The following TAAR5 variants were observed in gnomAD, a reference collection of about 807,000 sequenced individuals.
The protein encoded by TAAR5 is trace amine associated receptor 5.
A neutral mutation model predicts 21.1 loss-of-function variants in TAAR5; 27 were observed. The ratio of observed to expected loss-of-function variants is 1.28; its 90% CI spans 0.94 to 1.76. The LOEUF (loss-of-function observed/expected upper bound fraction) is 1.76, where lower values mean the gene tolerates loss of function less well. TAAR5 is among the 40% of genes most tolerant of loss of function. TAAR5 has a pLI of 0.00. For synonymous variants in TAAR5, 203 were observed against 167.5 expected, an observed-to-expected ratio of 1.21 and a Z score of -1.64; for missense variants, 495 against 405.6, an observed-to-expected ratio of 1.22 and a Z score of -1.89.
chr6:132,605,929 A>G, the TAAR5 span, among the ~76,000 whole-genome samples: 1 of 150,878 alleles, frequency 6.6e-6, no homozygotes, highest in Non-Finnish European at 1.5e-5. Context: ...TACAGCCATC[A>G]AAAGAATGGA....
At chr6:132,606,222 A>C in the TAAR5 span, among the ~76,000 whole-genome samples, 2 of 152,196 alleles carry the variant, frequency 1.3e-5, no homozygotes, top group Admixed American at 1.3e-4. Flanking sequence ...ATACCTAGGT[A>C]ACAAACCTGA....
chr6:132,591,873 G>A (rs564277610), upstream of TAAR5, among the ~76,000 whole-genome samples: 1 of 152,226 alleles, frequency 6.6e-6, no homozygotes, highest in African/African-American at 2.4e-5. Flanking sequence ...TCTATTAATT[G>A]AATATAATAC....
At chr6:132,608,180 G>A in the TAAR5 span, 1 of 373,742 alleles carries the variant, frequency 2.7e-6, no homozygotes, top group East Asian at 7.2e-5. Flanking sequence ...TGTAAGGTAT[G>A]TGCTGCAAGT....
chr6:132,588,754 C>T lies in TAAR5; in HGVS notation c.933G>A (p.Trp311Ter). 1 of 1,614,038 alleles carries T rather than the reference C, an allele frequency of 6.2e-7. No homozygotes were observed. Among genetic ancestry groups the T allele is most frequent in the Non-Finnish European group, 8.5e-7 (1 of 1,180,000 alleles). Residue 311 changes from tryptophan to a stop codon, truncating the protein, a stop_gained, in exon 1 of 1, where the codon TGG becomes TGA. Transcript: ENST00000258034. LOFTEE classifies it high-confidence loss of function. ...NPIIYVFSYQ[W>*]FRKALKLTLS... ...GTGTGAGTTTCAGTGCCTTCCGAAA[C>T]CACTGGTAGGAAAAGACATAGATGA...
At chr6:132,597,375 T>C in the TAAR5 span, among the ~76,000 whole-genome samples, 1,043 of 152,262 alleles carry the variant, frequency 6.9e-3, 24 homozygotes, top group East Asian at 0.1. Context: ...TTCAAACTCC[T>C]ATCTTAAGCT....
the TAAR5 span, among the ~76,000 whole-genome samples, chr6:132,597,521 A>T: frequency 6.6e-6 from 1 of 152,206 alleles, no homozygotes; most frequent in African/African-American, 2.4e-5. Flanking sequence ...CAGAATAAAG[A>T]TTCCTTTTAT....
At position 132,589,722 on chromosome 6, in the gene TAAR5, C is replaced by A; in HGVS notation, c.-36G>T. ...TACTCTTCCTCTGTCTGAGAACTGGCCACCTTCTCCACTGGAGGGCAAAAA... is the reference window on the plus strand; with the variant it reads ...TACTCTTCCTCTGTCTGAGAACTGGACACCTTCTCCACTGGAGGGCAAAAA... On this transcript the variant is annotated 5_prime_UTR_variant, in exon 1 of 1. Transcript: ENST00000258034. 1 of 568,880 alleles carries A rather than the reference C, an allele frequency of 1.8e-6. No homozygotes were observed. The highest frequency in any genetic ancestry group is 2.5e-6 in the Non-Finnish European group (1 of 403,006). The allele number at this position is 568,880 out of a possible 1,614,324, so 35.2% of individuals were successfully genotyped here.
At chr6:132,594,816 G>A in the TAAR5 span, 2 of 152,140 alleles carry the variant, frequency 1.3e-5, no homozygotes, top group East Asian at 1.9e-4. Context: ...GAGAAAGAAA[G>A]CTATAAAGGA....
At position 132,588,653 on chromosome 6, in the gene TAAR5, C is replaced by T. The variant is rs754908639; in HGVS notation, c.*20G>A. 1 of 1,592,566 alleles carries T rather than the reference C, an allele frequency of 6.3e-7. No individual in the cohort carries two copies. The highest frequency in any genetic ancestry group is 8.6e-7 in the Non-Finnish European group (1 of 1,167,904). ...CTTTCCTGTGAGGTCCTACTCCTTG[C>T]CTGCATTTAGTAGAAGGAATCATTC... On this transcript the variant is annotated 3_prime_UTR_variant, in exon 1 of 1. Coordinates refer to ENST00000258034, the MANE Select transcript of TAAR5 (RefSeq NM_003967.3).
At chr6:132,602,158 C>A in the TAAR5 span, among the ~76,000 whole-genome samples, 1 of 152,006 alleles carries the variant, frequency 6.6e-6, no homozygotes, top group African/African-American at 2.4e-5. Flanking sequence ...CTTTTTGGCA[C>A]CAGGGACTGG....
the TAAR5 span, chr6:132,608,815 C>A: frequency 2.2e-6 from 1 of 455,858 alleles, no homozygotes; most frequent in Non-Finnish European, 4.4e-6. Flanking sequence ...AACTGACCAG[C>A]AAAATGCCAG....
chr6:132,600,861 G>A, the TAAR5 span, among the ~76,000 whole-genome samples: 1 of 130,596 alleles, frequency 7.7e-6, no homozygotes, highest in African/African-American at 2.9e-5. Flanking sequence ...AGGAGGGAAG[G>A]AAGGAAGGAG....
chr6:132,597,289 G>A, the TAAR5 span, among the ~76,000 whole-genome samples: 1 of 151,532 alleles, frequency 6.6e-6, no homozygotes, highest in African/African-American at 2.4e-5. Context: ...CAAGAAGATA[G>A]AGTAAGACAC....
upstream of TAAR5, among the ~76,000 whole-genome samples, chr6:132,593,949 T>C (rs183024092): frequency 1.1e-3 from 169 of 152,320 alleles, no homozygotes; most frequent in Non-Finnish European, 2.1e-3. Context: ...AGACTTCCTG[T>C]ATGCCCAGGC....
At chr6:132,608,085 G>A in the TAAR5 span, 1 of 329,660 alleles carries the variant, frequency 3.0e-6, no homozygotes, top group Non-Finnish European at 5.9e-6. Context: ...GTCAAAGATA[G>A]TGAATGTACC....
rs1176676162 is a variant in TAAR5, at chr6:132,589,075, G to A, written c.612C>T (p.Asn204=). 2.5e-6 allele frequency: 4 copies of A among 1,614,058 alleles called. No homozygotes were observed. The highest frequency in any genetic ancestry group is 2.2e-5 in the East Asian group (1 of 44,824). ...GGCAGGGGACAAAGAACAAAGGGAAGTTTAACCAGCCCCAAAATTTATTGA... is the reference window on the plus strand; with the variant it reads ...GGCAGGGGACAAAGAACAAAGGGAAATTTAACCAGCCCCAAAATTTATTGA... ...LLLNKFWGWL[N]FPLFFVPCLI... is the part of the protein sequence containing the mutation. Residue 204 remains asparagine, a synonymous_variant, in exon 1 of 1, where the codon AAC becomes AAT. Coordinates refer to ENST00000258034, the MANE Select transcript of TAAR5 (RefSeq NM_003967.3).
chr6:132,593,469 C>T (rs899575134), upstream of TAAR5, among the ~76,000 whole-genome samples: 1 of 152,190 alleles, frequency 6.6e-6, no homozygotes, highest in Non-Finnish European at 1.5e-5. Context: ...ACCATTCCCC[C>T]TGAGATAATG....
chr6:132,611,570 T>C, the TAAR5 span, among the ~76,000 whole-genome samples: 1 of 152,200 alleles, frequency 6.6e-6, no homozygotes, highest in African/African-American at 2.4e-5. Context: ...ACAACTATTA[T>C]GTATCCATAG....
chr6:132,612,840 T>C, the TAAR5 span, among the ~76,000 whole-genome samples: 1 of 152,186 alleles, frequency 6.6e-6, no homozygotes, highest in African/African-American at 2.4e-5. Flanking sequence ...GTTAAACTCA[T>C]ACAGTATTTA....
Sources: allele counts gnomAD v4.1 joint callset (sites outside exome capture counted in the v4.1 genomes callset), GRCh38; gene constraint gnomAD v4.1.1; transcripts MANE v1.5; gene names NCBI Gene and HGNC (gene_info 2026-07-23, HGNC 2026-07-21).